The following PTPN12 variants were observed in gnomAD, a reference collection of about 807,000 sequenced individuals.
PTPN12 encodes the protein protein tyrosine phosphatase non-receptor type 12.
A neutral mutation model predicts 97.6 loss-of-function variants in PTPN12; 29 were observed. The observed-to-expected ratio is 0.30, with a 90% CI of 0.22 to 0.41. PTPN12 has a LOEUF of 0.41. Among genes scored for constraint, PTPN12 ranks in the 10% least tolerant of loss-of-function variants. The probability of loss-of-function intolerance (pLI) is 1.00; values close to 1 mark genes in which losing one functional copy is unlikely to be tolerated. For synonymous variants in PTPN12, 327 were observed against 300.4 expected (o/e 1.09, Z -0.91); for missense variants, 819 against 926.0 (o/e 0.88, Z 1.50).
chr7:77,549,323 C>T (rs1398807274), intron 1 of PTPN12, among the ~76,000 whole-genome samples: 1 of 152,096 alleles, frequency 6.6e-6, no homozygotes, highest in Non-Finnish European at 1.5e-5. Flanking sequence ...CACCTTCTTT[C>T]AGAGATGGAA....
chr7:77,631,921 A>G (rs779835443), intron 13 of PTPN12, among the ~76,000 whole-genome samples: 1 of 152,254 alleles, frequency 6.6e-6, no homozygotes. Context: ...CATGTTACAT[A>G]GTATGGCAAA....
chr7:77,579,710 CAG>C (rs1207559050), intron 2 of PTPN12, among the ~76,000 whole-genome samples: 25 of 152,114 alleles, frequency 1.6e-4, no homozygotes, highest in Admixed American at 1.3e-4. Flanking sequence ...CTTCCTGTGA[CAG>C]AGGGCTGATT....
chr7:77,576,847 G>A (rs1405185590), intron 2 of PTPN12, among the ~76,000 whole-genome samples: 1 of 152,202 alleles, frequency 6.6e-6, no homozygotes, highest in Non-Finnish European at 1.5e-5. Context: ...GGAGCTAAGG[G>A]TGCCACTTAA....
intron 1 of PTPN12, among the ~76,000 whole-genome samples, chr7:77,567,415 A>T (rs886504948): frequency 5.3e-5 from 8 of 152,172 alleles, no homozygotes; most frequent in African/African-American, 1.9e-4. Flanking sequence ...ACTCTGTAGG[A>T]GCTAGGGCTT....
At chr7:77,624,500 C>G (rs1017842230) in intron 12 of PTPN12, among the ~76,000 whole-genome samples, 1 of 152,014 alleles carries the variant, frequency 6.6e-6, no homozygotes, top group South Asian at 2.1e-4. Context: ...AGTGCAGTGG[C>G]GTGATCTCAG....
chr7:77,557,140 A>T (rs2151305128), intron 1 of PTPN12, among the ~76,000 whole-genome samples: 1 of 151,966 alleles, frequency 6.6e-6, no homozygotes, highest in Admixed American at 6.6e-5. Flanking sequence ...CTATTTTTAA[A>T]TTTTTTGTAG....
intron 12 of PTPN12, among the ~76,000 whole-genome samples, chr7:77,625,511 CT>C (rs1789127280): frequency 9.1e-6 from 1 of 109,690 alleles, no homozygotes; most frequent in Non-Finnish European, 1.9e-5. Flanking sequence ...CTCTCTCTCT[CT>C]CTCTCTCTCT....
At chr7:77,601,672 C>T (rs1788192059) in intron 8 of PTPN12, among the ~76,000 whole-genome samples, 1 of 152,116 alleles carries the variant, frequency 6.6e-6, no homozygotes, top group African/African-American at 2.4e-5. Flanking sequence ...TGGTAAGATA[C>T]ATACCAATCT....
chr7:77,546,152 C>T (rs1807212210), intron 1 of PTPN12, among the ~76,000 whole-genome samples: 1 of 146,290 alleles, frequency 6.8e-6, no homozygotes, highest in Admixed American at 6.8e-5. Context: ...GGATGGTCTC[C>T]CCTTTTATTT....
In PTPN12 at chr7:77,587,720, T is replaced by A. The variant is rs544258304; in HGVS notation, c.420+2139T>A. ...AGTTCTGAAAATCCTAGATGGCATC[T>A]TCTTCCAATATAAGGATGTTTCATC... On this transcript the variant is annotated intron_variant, in intron 5 of 17. Transcript: ENST00000248594. Among the ~76,000 whole-genome samples the A allele has an allele frequency of 1.2e-3, 181 of 152,380 alleles. 1 individual carries two copies. Among genetic ancestry groups the A allele is most frequent in the African/African-American group, 4.2e-3 (173 of 41,598 alleles).
intron 15 of PTPN12, 45 bp downstream of exon 15, chr7:77,635,894 C>G (rs375032193): frequency 9.9e-5 from 130 of 1,313,580 alleles, no homozygotes; most frequent in Non-Finnish European, 1.3e-4. Flanking sequence ...AACATTTCTA[C>G]TCTTTTGTTA....
chr7:77,581,562 T>G, intron 3 of PTPN12, 59 bp downstream of exon 3: 2 of 1,126,990 alleles, frequency 1.8e-6, no homozygotes, highest in Non-Finnish European at 1.3e-6. Context: ...TACATACTAG[T>G]TTTGTAAAAA....
intron 7 of PTPN12, among the ~76,000 whole-genome samples, 176 bp from the exon 8 acceptor site, chr7:77,600,488 A>C (rs1000372287): frequency 5.3e-5 from 8 of 152,152 alleles, no homozygotes; most frequent in African/African-American, 1.9e-4. Context: ...TGAAGCCCTT[A>C]GGTATTTGGC....
chr7:77,597,966 GC>G (rs1278365155), intron 7 of PTPN12, 65 bp downstream of exon 7: 8 of 1,576,030 alleles, frequency 5.1e-6, no homozygotes, highest in African/African-American at 1.3e-5. Context: ...AGTGGCTCAT[GC>G]CTGTAATCCC....
intron 7 of PTPN12, among the ~76,000 whole-genome samples, chr7:77,599,635 C>T (rs1372693690): frequency 6.6e-6 from 1 of 152,046 alleles, no homozygotes; most frequent in Non-Finnish European, 1.5e-5. Flanking sequence ...TAATAAGTAC[C>T]TTAATGAATT....
intron 9 of PTPN12, among the ~76,000 whole-genome samples, chr7:77,607,728 A>G (rs1372644010): frequency 1.3e-5 from 2 of 151,964 alleles, no homozygotes; most frequent in Non-Finnish European, 2.9e-5. Context: ...GACTTTTCCA[A>G]TACTAAATTT....
intron 1 of PTPN12, among the ~76,000 whole-genome samples, chr7:77,563,107 T>C (rs1248134614): frequency 6.6e-6 from 1 of 152,216 alleles, no homozygotes; most frequent in Non-Finnish European, 1.5e-5. Context: ...ACTACATGCA[T>C]TCAGGGAAGA....
At chr7:77,638,247 C>T (rs1184965116) in intron 16 of PTPN12, among the ~76,000 whole-genome samples, 1 of 151,758 alleles carries the variant, frequency 6.6e-6, no homozygotes, top group Non-Finnish European at 1.5e-5. Flanking sequence ...CATGAGCCAC[C>T]GCGCCTGGCC....
intron 2 of PTPN12, 92 bp from the exon 3 acceptor site, chr7:77,581,335 T>C: frequency 1.4e-6 from 1 of 702,838 alleles, no homozygotes; most frequent in South Asian, 2.2e-5. Flanking sequence ...TTAAAATAAA[T>C]GTTCTTAAGC....
Sources: gnomAD v4.1 joint callset for allele counts (sites outside exome capture counted in the v4.1 genomes callset) on GRCh38, gnomAD v4.1.1 for gene constraint, MANE v1.5 for transcripts, NCBI Gene and HGNC (gene_info 2026-07-23, HGNC 2026-07-21) for gene names.